Variants in ANKRD13C observed in about 807,000 individuals in gnomAD.
ANKRD13C encodes ankyrin repeat domain-containing protein 13C.
In ANKRD13C, 16 loss-of-function variants were observed where a neutral mutation model predicts 65.5. That is an observed-to-expected ratio of 0.24 (90% CI 0.17 to 0.37). The LOEUF (loss-of-function observed/expected upper bound fraction) is 0.37, where lower values mean the gene tolerates loss of function less well. Among genes scored for constraint, ANKRD13C ranks in the 10% least tolerant of loss-of-function variants. The probability of loss-of-function intolerance (pLI) is 1.00; values close to 1 mark genes in which losing one functional copy is unlikely to be tolerated. For synonymous variants in ANKRD13C, 235 were observed against 238.7 expected (o/e 0.98, Z 0.14); for missense variants, 503 against 655.9 (o/e 0.77, Z 2.55).
In ANKRD13C at chr1:70,336,174, G is replaced by C. The variant is rs144815091; in HGVS notation, c.431-75C>G. The C allele has an allele frequency of 3.3e-3, 1,149 of 346,572 alleles. 3 individuals carry two copies. Among genetic ancestry groups the C allele is most frequent in the Non-Finnish European group, 4.5e-3 (904 of 201,706 alleles). 21.5% of individuals were successfully genotyped at this position (346,572 alleles called of 1,614,324 possible). A position where few individuals can be genotyped will look rare whatever the true frequency, so the allele number is the denominator to read the frequency against. ...GAACATTTACTTAAAAGTGGTTTCA[G>C]CTCCTTCAGAAATTTCACTGGCAGA... On this transcript the variant is annotated intron_variant, in intron 1 of 12. Coordinates refer to ENST00000370944, the MANE Select transcript of ANKRD13C (RefSeq NM_030816.5).
At chr1:70,325,032 T>C in intron 2 of ANKRD13C, 75 bp from the exon 3 acceptor site, 2 of 997,696 alleles carry the variant, frequency 2.0e-6, no homozygotes, top group South Asian at 3.8e-5. Context: ...TATAAAAGTT[T>C]AATAAACCAA....
intron 7 of ANKRD13C, among the ~76,000 whole-genome samples, chr1:70,296,775 G>GT (rs1680098432): frequency 6.6e-6 from 1 of 152,166 alleles, no homozygotes; most frequent in Non-Finnish European, 1.5e-5. Context: ...GGGAGGGATA[G>GT]AAGAAGGGAA....
intron 9 of ANKRD13C, among the ~76,000 whole-genome samples, chr1:70,285,550 T>C (rs1213657375): frequency 6.6e-6 from 1 of 152,000 alleles, no homozygotes; most frequent in Non-Finnish European, 1.5e-5. Flanking sequence ...AAAATGGAAA[T>C]GTCTCTTGAA....
intron 11 of ANKRD13C, 89 bp downstream of exon 11, chr1:70,274,631 C>G: frequency 5.2e-6 from 5 of 963,010 alleles, no homozygotes; most frequent in Non-Finnish European, 8.2e-6. Flanking sequence ...TCAAAGGTCT[C>G]AAATGCACCA....
chr1:70,267,822 ATG>A (rs369095541), intron 12 of ANKRD13C, among the ~76,000 whole-genome samples: 1 of 151,566 alleles, frequency 6.6e-6, no homozygotes, highest in African/African-American at 2.4e-5. Context: ...TATTGTGTGT[ATG>A]TGTGTGTGTG....
chr1:70,322,666 T>C (rs1681360899), intron 3 of ANKRD13C, among the ~76,000 whole-genome samples: 1 of 152,142 alleles, frequency 6.6e-6, no homozygotes, highest in African/African-American at 2.4e-5. Context: ...ACATGCTTTA[T>C]AGTAAGGACT....
At position 70,261,973 on chromosome 1, in the gene ANKRD13C, G is replaced by A. The variant is rs896766277; in HGVS notation, c.*744C>T. On this transcript the variant is annotated 3_prime_UTR_variant, in exon 13 of 13. Transcript: ENST00000370944. The stretch of plus-strand genomic sequence containing the variant: ...AAGTTTAGAAAAAAAAAAAATAGAG[G>A]TTCTATGAAAGGAAGATTAGTAACA... The A allele has an allele frequency of 6.6e-5, 10 of 152,270 alleles. No individual in the cohort carries two copies. The highest frequency in any genetic ancestry group is 2.4e-4 in the African/African-American group (10 of 41,360). The allele number at this position is 152,270 out of a possible 1,614,324, so 9.4% of individuals were successfully genotyped here.
At chr1:70,338,155 T>C (rs373811111) in intron 1 of ANKRD13C, among the ~76,000 whole-genome samples, 1 of 152,102 alleles carries the variant, frequency 6.6e-6, no homozygotes, top group African/African-American at 2.4e-5. Flanking sequence ...ATGAATTTAG[T>C]AAAATTGATT....
intron 10 of ANKRD13C, among the ~76,000 whole-genome samples, chr1:70,275,093 AAAG>A (rs1370408186): frequency 6.6e-6 from 1 of 152,222 alleles, no homozygotes; most frequent in Admixed American, 6.5e-5. Context: ...TTTTAGGAAT[AAAG>A]AAAATCATTA....
chr1:70,264,329 A>C (rs1394135867), intron 12 of ANKRD13C, among the ~76,000 whole-genome samples: 1 of 151,870 alleles, frequency 6.6e-6, no homozygotes, highest in African/African-American at 2.4e-5. Flanking sequence ...TACAAAAATT[A>C]GCTGGGTGTG....
intron 2 of ANKRD13C, among the ~76,000 whole-genome samples, chr1:70,325,419 A>G (rs1056305177): frequency 6.6e-6 from 1 of 152,170 alleles, no homozygotes; most frequent in African/African-American, 2.4e-5. Flanking sequence ...TCCAAAACAC[A>G]TTTATTTTTC....
chr1:70,346,039 C>G (rs1307786669), intron 1 of ANKRD13C, among the ~76,000 whole-genome samples: 1 of 151,750 alleles, frequency 6.6e-6, no homozygotes, highest in Non-Finnish European at 1.5e-5. Flanking sequence ...ACTATGTTGA[C>G]CAGGGTGGTC....
Position 70,260,413 on chromosome 1 carries a change from AAC to A in ANKRD13C, c.*2302_*2303del, listed in dbSNP as rs372275993. Among the ~76,000 whole-genome samples the A allele has an allele frequency of 2.1e-4, 32 of 152,250 alleles. No individual in the cohort carries two copies. The highest frequency in any genetic ancestry group is 1.9e-3 in the East Asian group (10 of 5,190). On this transcript the variant is annotated 3_prime_UTR_variant, in exon 13 of 13. Transcript: ENST00000370944. ...ATACGATTGTCCCCCTACCAATTTA[AAC>A]AGTTTCAAAATCACAAATGGAGAAG...
At chr1:70,327,513 A>G (rs760519924) in intron 2 of ANKRD13C, among the ~76,000 whole-genome samples, 15 of 152,210 alleles carry the variant, frequency 9.9e-5, no homozygotes, top group Non-Finnish European at 2.2e-4. Context: ...TAACAACCAA[A>G]TGCAATGAGT....
At chr1:70,268,499 G>T (rs1678730660) in intron 12 of ANKRD13C, among the ~76,000 whole-genome samples, 1 of 152,198 alleles carries the variant, frequency 6.6e-6, no homozygotes, top group Admixed American at 6.5e-5. Flanking sequence ...GAGGAGAATA[G>T]ATCCATAATA....
intron 5 of ANKRD13C, among the ~76,000 whole-genome samples, chr1:70,311,341 G>A (rs928395976): frequency 6.6e-6 from 1 of 151,982 alleles, no homozygotes; most frequent in Non-Finnish European, 1.5e-5. Flanking sequence ...AAAAACATAA[G>A]GCACATGCAT....
Position 70,274,124 on chromosome 1 carries a change from A to T in ANKRD13C, c.1394+596T>A, listed in dbSNP as rs182574030. Among the ~76,000 whole-genome samples the T allele has an allele frequency of 1.2e-3, 188 of 152,306 alleles. 2 individuals carry two copies. Among genetic ancestry groups the T allele is most frequent in the African/African-American group, 4.3e-3 (179 of 41,564 alleles). ...AACACATTTTATTCTGTAAATTTCCATACTTTTGGATTTTTTTAAAACAAG... is the reference window on the plus strand; with the variant it reads ...AACACATTTTATTCTGTAAATTTCCTTACTTTTGGATTTTTTTAAAACAAG... On this transcript the variant is annotated intron_variant, in intron 11 of 12. Transcript: ENST00000370944.
At position 70,261,996 on chromosome 1, in the gene ANKRD13C, A is replaced by G. The variant is rs1326536428; in HGVS notation, c.*721T>C. The G allele has an allele frequency of 6.6e-6, 1 of 152,578 alleles. No homozygotes were observed. Among genetic ancestry groups the G allele is most frequent in the African/African-American group, 2.4e-5 (1 of 41,462 alleles). 9.5% of individuals were successfully genotyped at this position (152,578 alleles called of 1,614,324 possible). ...AGGTTCTATGAAAGGAAGATTAGTA[A>G]CAAACATTCAGGTAAAAACAAATAG... On this transcript the variant is annotated 3_prime_UTR_variant, in exon 13 of 13. Transcript: ENST00000370944.
intron 12 of ANKRD13C, among the ~76,000 whole-genome samples, chr1:70,264,612 G>A (rs977157104): frequency 4.0e-5 from 6 of 151,292 alleles, no homozygotes; most frequent in African/African-American, 1.5e-4. Context: ...AAGAGTAGTT[G>A]TGACAGAAAC....
Sources: allele counts gnomAD v4.1 joint callset (sites outside exome capture counted in the v4.1 genomes callset), GRCh38; gene constraint gnomAD v4.1.1; transcripts MANE v1.5; gene names NCBI Gene and HGNC (gene_info 2026-07-23, HGNC 2026-07-21).